CTNNA2: variants seen among roughly 807,000 people sequenced by gnomAD.
The protein encoded by CTNNA2 is catenin alpha-2.
CTNNA2 carries 42 observed loss-of-function variants against 101.0 expected under a neutral mutation model. That is an observed-to-expected ratio of 0.42 (90% confidence interval 0.32 to 0.54). The LOEUF is 0.54. Ranked by LOEUF, CTNNA2 falls within the 20% of genes least tolerant of loss-of-function variation. CTNNA2 has a pLI of 0.14. For missense variants in CTNNA2, 871 were observed against 1,223.1 expected (o/e 0.71, Z 4.29); for synonymous variants, 450 against 456.4 (o/e 0.99, Z 0.18).
intron 2 of CTNNA2, among the ~76,000 whole-genome samples, chr2:79,280,183 A>T (rs937806915): frequency 3.3e-5 from 5 of 152,140 alleles, no homozygotes; most frequent in Admixed American, 2.0e-4. Flanking sequence ...GAAAAAGAAT[A>T]GCACATCTTT....
intron 7 of CTNNA2, among the ~76,000 whole-genome samples, chr2:80,372,226 A>G (rs976265097): frequency 3.9e-5 from 6 of 152,208 alleles, no homozygotes; most frequent in South Asian, 4.1e-4. Context: ...TCTCATGACT[A>G]TAGGATGGAT....
chr2:79,769,675 G>A (rs57913363), intron 3 of CTNNA2, among the ~76,000 whole-genome samples: 3,430 of 150,798 alleles, frequency 0.023, 143 homozygotes, highest in African/African-American at 0.077. Context: ...CATAGCAGAA[G>A]TCTCTTAAAT....
At chr2:79,198,212 C>T (rs936268669) in intron 2 of CTNNA2, 6 of 152,076 alleles carry the variant, frequency 3.9e-5, no homozygotes, top group South Asian at 2.1e-4. Context: ...TTCTAGAAAA[C>T]GATGTAGAAG....
chr2:79,991,509 C>T (rs898305780), intron 7 of CTNNA2, among the ~76,000 whole-genome samples: 2 of 152,100 alleles, frequency 1.3e-5, no homozygotes, highest in Admixed American at 1.3e-4. Flanking sequence ...ATACCCAGCT[C>T]GCAGAGTTGT....
At chr2:80,306,419 T>A (rs1285390692) in intron 7 of CTNNA2, among the ~76,000 whole-genome samples, 1 of 146,104 alleles carries the variant, frequency 6.8e-6, no homozygotes, top group Non-Finnish European at 1.5e-5. Context: ...TTTCTTTCTT[T>A]CTTTCTTTCT....
intron 4 of CTNNA2, among the ~76,000 whole-genome samples, chr2:79,390,380 C>T (rs1678158752): frequency 6.6e-6 from 1 of 152,176 alleles, no homozygotes; most frequent in Non-Finnish European, 1.5e-5. Flanking sequence ...AAACCCCAGA[C>T]TTACGGGATT....
chr2:79,374,589 T>C (rs1677944608), intron 4 of CTNNA2, among the ~76,000 whole-genome samples: 1 of 152,192 alleles, frequency 6.6e-6, no homozygotes, highest in African/African-American at 2.4e-5. Flanking sequence ...AATAGACTCT[T>C]CTGAAATTTT....
chr2:80,290,720 C>A (rs1204939019), intron 7 of CTNNA2, among the ~76,000 whole-genome samples: 1 of 152,000 alleles, frequency 6.6e-6, no homozygotes, highest in Non-Finnish European at 1.5e-5. Flanking sequence ...TTATTTCACC[C>A]ACATAAGAAA....
At chr2:80,236,311 C>G (rs1349124970) in intron 7 of CTNNA2, among the ~76,000 whole-genome samples, 3 of 152,090 alleles carry the variant, frequency 2.0e-5, no homozygotes, top group Non-Finnish European at 4.4e-5. Context: ...ATTTGTATTC[C>G]TCTGAGTATA....
intron 7 of CTNNA2, among the ~76,000 whole-genome samples, chr2:80,208,028 A>T (rs757175471): frequency 1.3e-5 from 2 of 152,200 alleles, no homozygotes; most frequent in Non-Finnish European, 2.9e-5. Flanking sequence ...TGGTTTGTGG[A>T]TCTGGATAAG....
chr2:80,006,193 A>T (rs932291895), intron 7 of CTNNA2, among the ~76,000 whole-genome samples: 5 of 152,216 alleles, frequency 3.3e-5, no homozygotes, highest in Non-Finnish European at 7.4e-5. Flanking sequence ...AATATGTTTT[A>T]ACATGGAACT....
intron 3 of CTNNA2, among the ~76,000 whole-genome samples, chr2:79,315,766 T>C (rs1029733607): frequency 2.0e-5 from 3 of 152,128 alleles, no homozygotes; most frequent in African/African-American, 7.2e-5. Context: ...CTTTAGTGTA[T>C]ATACATAGGA....
At chr2:80,118,760 A>G (rs1701665835) in intron 7 of CTNNA2, among the ~76,000 whole-genome samples, 1 of 152,230 alleles carries the variant, frequency 6.6e-6, no homozygotes, top group African/African-American at 2.4e-5. Flanking sequence ...TTTGAGAAGT[A>G]GCAGGCCACA....
intron 7 of CTNNA2, among the ~76,000 whole-genome samples, chr2:80,309,763 C>T (rs545940566): frequency 7.4e-5 from 11 of 149,396 alleles, no homozygotes; most frequent in East Asian, 2.0e-4. Flanking sequence ...GGCATGATCT[C>T]GGGTCACTGC....
intron 3 of CTNNA2, among the ~76,000 whole-genome samples, chr2:79,342,143 C>T (rs1677152523): frequency 6.6e-6 from 1 of 152,176 alleles, no homozygotes; most frequent in South Asian, 2.1e-4. Context: ...CAATATATAG[C>T]ATATCTCATC....
At chr2:79,595,610 C>A (rs1184429871) in intron 1 of CTNNA2, among the ~76,000 whole-genome samples, 3 of 152,010 alleles carry the variant, frequency 2.0e-5, no homozygotes, top group African/African-American at 7.3e-5. Context: ...GCATACAAGC[C>A]CCTGTTGATA....
At chr2:79,274,964 A>T (rs1447419929) in intron 2 of CTNNA2, among the ~76,000 whole-genome samples, 2 of 152,030 alleles carry the variant, frequency 1.3e-5, no homozygotes, top group African/African-American at 4.8e-5. Flanking sequence ...GAAATTGCTC[A>T]TGGGATGGTT....
intron 7 of CTNNA2, among the ~76,000 whole-genome samples, chr2:80,153,783 T>G (rs1352603490): frequency 1.3e-5 from 2 of 152,202 alleles, no homozygotes; most frequent in Non-Finnish European, 1.5e-5. Flanking sequence ...GAGGGAAAAC[T>G]TTGAATCATT....
chr2:80,045,382 T>C (rs12468432), intron 7 of CTNNA2, among the ~76,000 whole-genome samples: 127,322 of 152,170 alleles, frequency 0.84, 53,399 homozygotes, highest in East Asian at 0.98. Flanking sequence ...GTTGTAATAG[T>C]TTATCACTAT....
Sources: gnomAD v4.1 joint callset for allele counts (sites outside exome capture counted in the v4.1 genomes callset) on GRCh38, gnomAD v4.1.1 for gene constraint, MANE v1.5 for transcripts, NCBI Gene and HGNC (gene_info 2026-07-23, HGNC 2026-07-21) for gene names.